The following TPST1 variants were observed in gnomAD, a reference collection of about 807,000 sequenced individuals.
TPST1 encodes protein-tyrosine sulfotransferase 1.
A neutral mutation model predicts 34.8 loss-of-function variants in TPST1; 20 were observed. The ratio of observed to expected loss-of-function variants is 0.57; its 90% CI spans 0.40 to 0.84. The LOEUF is 0.84. Ranked by LOEUF, TPST1 falls within the 40% of genes least tolerant of loss-of-function variation. The pLI, the probability that TPST1 is intolerant of heterozygous loss-of-function variation, is 0.00. For missense variants in TPST1, 353 were observed against 455.5 expected (o/e 0.78, Z 2.05); for synonymous variants, 152 against 159.4 (o/e 0.95, Z 0.35).
chr7:66,233,033 G>A (rs1307722927), intron 1 of TPST1, among the ~76,000 whole-genome samples: 1 of 151,992 alleles, frequency 6.6e-6, no homozygotes, highest in African/African-American at 2.4e-5. Context: ...CTGATTCTTT[G>A]CCCATTTTAA....
chr7:66,328,428 T>A (rs1791916333), intron 3 of TPST1, among the ~76,000 whole-genome samples: 6 of 152,164 alleles, frequency 3.9e-5, no homozygotes, highest in Admixed American at 3.9e-4. Flanking sequence ...TAGAGCTGAG[T>A]AGTTGGAACA....
intron 2 of TPST1, among the ~76,000 whole-genome samples, chr7:66,245,000 C>T (rs949884477): frequency 6.6e-6 from 1 of 152,082 alleles, no homozygotes; most frequent in Admixed American, 6.6e-5. Context: ...GACAAAAAAT[C>T]CTCTAAATCA....
intron 1 of TPST1, among the ~76,000 whole-genome samples, chr7:66,225,510 G>T (rs1246214837): frequency 2.0e-5 from 3 of 152,108 alleles, no homozygotes; most frequent in African/African-American, 7.2e-5. Context: ...TACCGGGGAG[G>T]CTGAGGCAGG....
intron 2 of TPST1, 146 bp downstream of exon 2, chr7:66,241,416 GCTTCATTGATGAGGTTT>G (rs1790033686): frequency 2.2e-6 from 2 of 928,628 alleles, no homozygotes; most frequent in East Asian, 5.9e-5. Context: ...AACAGATACA[GCTTCATTGATGAGGTTT>G]CTTTTTTTAT....
Position 66,213,809 on chromosome 7 carries a change from C to T in TPST1, c.-102+8287C>T, listed in dbSNP as rs544761439. On this transcript the variant is annotated intron_variant, in intron 1 of 5. Transcript: ENST00000304842. ...TGTCAGATCATTCCAACATCTGATT[C>T]ATCCTGTTGTTGGCATCTGTTAATT... Among the ~76,000 whole-genome samples, 29 of 151,144 alleles carry T rather than the reference C, an allele frequency of 1.9e-4. No individual in the cohort carries two copies. The Middle Eastern group carries it at 0.014, about 71-fold the overall frequency.
chr7:66,328,882 C>CTATA (rs1562847144), intron 3 of TPST1, among the ~76,000 whole-genome samples: 10 of 29,916 alleles, frequency 3.3e-4, no homozygotes, highest in African/African-American at 9.8e-4. Flanking sequence ...CTCTCTCTCT[C>CTATA]TCTCTATATA....
intron 3 of TPST1, among the ~76,000 whole-genome samples, chr7:66,319,624 T>G (rs529924274): frequency 2.0e-5 from 3 of 152,348 alleles, no homozygotes; most frequent in African/African-American, 7.2e-5. Flanking sequence ...TACACAGTTT[T>G]GAGGTTTGAA....
At chr7:66,279,112 C>T (rs1481856892) in intron 2 of TPST1, among the ~76,000 whole-genome samples, 1 of 152,094 alleles carries the variant, frequency 6.6e-6, no homozygotes, top group Non-Finnish European at 1.5e-5. Flanking sequence ...TAGGCCCAAG[C>T]GTCTGTTGTT....
chr7:66,275,875 A>C (rs1562825431), intron 2 of TPST1, among the ~76,000 whole-genome samples: 1 of 152,168 alleles, frequency 6.6e-6, no homozygotes, highest in Non-Finnish European at 1.5e-5. Flanking sequence ...AAATGTTCTC[A>C]TGACAAAAAA....
intron 2 of TPST1, among the ~76,000 whole-genome samples, chr7:66,276,615 C>CAAA (rs1790822954): frequency 6.6e-6 from 1 of 151,728 alleles, no homozygotes; most frequent in Non-Finnish European, 1.5e-5. Context: ...CTTATAATTT[C>CAAA]TTTTAAGATT....
intron 2 of TPST1, among the ~76,000 whole-genome samples, chr7:66,265,253 T>A (rs1034730017): frequency 6.6e-6 from 1 of 152,030 alleles, no homozygotes; most frequent in African/African-American, 2.4e-5. Flanking sequence ...CAGAAGGATA[T>A]TTGAAGAAAT....
intron 2 of TPST1, among the ~76,000 whole-genome samples, chr7:66,250,462 C>G (rs980046261): frequency 2.0e-5 from 3 of 152,156 alleles, no homozygotes; most frequent in African/African-American, 4.8e-5. Context: ...AGGTTCAAAT[C>G]CTAGCACTGT....
chr7:66,328,859 G>GCTCTCTCTCGCTCTCT (rs1791927034), intron 3 of TPST1, among the ~76,000 whole-genome samples: 1 of 18,416 alleles, frequency 5.4e-5, no homozygotes, highest in African/African-American at 2.5e-4. Flanking sequence ...TCTCTCTCCC[G>GCTCTCTCTCGCTCTCT]CTCTCTCTCT....
At chr7:66,299,165 T>G (rs986619307) in intron 3 of TPST1, among the ~76,000 whole-genome samples, 2 of 152,030 alleles carry the variant, frequency 1.3e-5, no homozygotes, top group African/African-American at 4.8e-5. Context: ...ATATTATGCT[T>G]TGTGGGCCAC....
intron 3 of TPST1, among the ~76,000 whole-genome samples, chr7:66,298,312 T>TTTAG (rs569920369): frequency 7.5e-4 from 114 of 152,324 alleles, no homozygotes; most frequent in Non-Finnish European, 1.3e-3. Context: ...GTTTCATGTA[T>TTTAG]TTAGGATCTA....
At chr7:66,209,187 C>T (rs539654679) in intron 1 of TPST1, among the ~76,000 whole-genome samples, 10 of 152,182 alleles carry the variant, frequency 6.6e-5, no homozygotes, top group African/African-American at 2.4e-4. Flanking sequence ...GCAGGAGAAT[C>T]GCTTGAACCT....
At chr7:66,246,903 A>G (rs540542492) in intron 2 of TPST1, among the ~76,000 whole-genome samples, 1 of 152,304 alleles carries the variant, frequency 6.6e-6, no homozygotes, top group Admixed American at 6.5e-5. Flanking sequence ...CACTGGCCAT[A>G]ACTGGGGTTC....
intron 2 of TPST1, among the ~76,000 whole-genome samples, chr7:66,278,908 T>C (rs1378793301): frequency 1.3e-5 from 2 of 152,182 alleles, no homozygotes; most frequent in Admixed American, 6.5e-5. Flanking sequence ...AACATACATA[T>C]AACATGCATT....
Position 66,359,898 on chromosome 7 carries a change from A to G in TPST1, c.*33A>G. Reference sequence around the variant, plus strand: ...ACATTCTGTTTGTTCGCCCTAGGAAAGATTGCTGCCTTTTCAGCAGAAGGG... The same window carrying G: ...ACATTCTGTTTGTTCGCCCTAGGAAGGATTGCTGCCTTTTCAGCAGAAGGG... On this transcript the variant is annotated 3_prime_UTR_variant, in exon 6 of 6. Transcript: ENST00000304842. 2.2e-6 allele frequency: 1 copy of G among 456,684 alleles called. No homozygotes were observed. The highest frequency in any genetic ancestry group is 1.5e-5 in the South Asian group (1 of 64,556). 28.3% of individuals were successfully genotyped at this position (456,684 alleles called of 1,614,324 possible). A position where few individuals can be genotyped will look rare whatever the true frequency, so the allele number is the denominator to read the frequency against.
Sources: gnomAD v4.1 joint callset for allele counts (sites outside exome capture counted in the v4.1 genomes callset) on GRCh38, gnomAD v4.1.1 for gene constraint, MANE v1.5 for transcripts, NCBI Gene and HGNC (gene_info 2026-07-23, HGNC 2026-07-21) for gene names.